RABGAP1L: variants seen among roughly 807,000 people sequenced by gnomAD.
RABGAP1L encodes RAB GTPase activating protein 1 like.
Under a neutral mutation model 137.7 loss-of-function variants are expected in RABGAP1L, and 63 were observed. The ratio of observed to expected loss-of-function variants is 0.46; its 90% CI spans 0.37 to 0.56. The LOEUF is 0.56. RABGAP1L is among the 20% of genes least tolerant of loss of function. RABGAP1L has a pLI of 0.00. For missense variants in RABGAP1L, 1,095 were observed against 1,244.0 expected (o/e 0.88, Z 1.80); for synonymous variants, 431 against 433.7 (o/e 0.99, Z 0.08).
intron 13 of RABGAP1L, among the ~76,000 whole-genome samples, chr1:174,535,491 A>G (rs1427684020): frequency 6.6e-6 from 1 of 152,206 alleles, no homozygotes; most frequent in Non-Finnish European, 1.5e-5. Flanking sequence ...GGTAGTTACT[A>G]TTAAGAGAGG....
chr1:174,828,469 G>A (rs1691806179), intron 19 of RABGAP1L, among the ~76,000 whole-genome samples: 1 of 147,884 alleles, frequency 6.8e-6, no homozygotes, highest in Admixed American at 6.8e-5. Context: ...TGCCTAGGTT[G>A]CTTTCTGTCT....
intron 18 of RABGAP1L, among the ~76,000 whole-genome samples, chr1:174,789,947 A>G (rs1208512088): frequency 6.6e-6 from 1 of 152,078 alleles, no homozygotes; most frequent in African/African-American, 2.4e-5. Context: ...GTGGCTCATG[A>G]CAGTAATCTT....
chr1:174,816,939 C>T (rs1690489606), intron 19 of RABGAP1L, among the ~76,000 whole-genome samples: 2 of 152,064 alleles, frequency 1.3e-5, no homozygotes, highest in South Asian at 4.1e-4. Context: ...CCATGTTGGC[C>T]AGGATAGTCT....
At chr1:174,808,271 G>C (rs1284007604) in intron 18 of RABGAP1L, among the ~76,000 whole-genome samples, 3 of 152,028 alleles carry the variant, frequency 2.0e-5, no homozygotes, top group Non-Finnish European at 2.9e-5. Context: ...ACAGGCATGA[G>C]CTACCGTGCC....
At chr1:174,285,217 A>G (rs1675950282) in intron 10 of RABGAP1L, among the ~76,000 whole-genome samples, 1 of 152,066 alleles carries the variant, frequency 6.6e-6, no homozygotes. Flanking sequence ...GGGTTTTGCC[A>G]TGTTGGCCAG....
chr1:174,745,385 G>A (rs1347116930), intron 17 of RABGAP1L, among the ~76,000 whole-genome samples: 1 of 152,184 alleles, frequency 6.6e-6, no homozygotes, highest in Non-Finnish European at 1.5e-5. Context: ...CAGTACCATA[G>A]TCTGCCCAGG....
chr1:174,835,714 T>A (rs1479940352), intron 19 of RABGAP1L, among the ~76,000 whole-genome samples: 1 of 152,224 alleles, frequency 6.6e-6, no homozygotes, highest in Non-Finnish European at 1.5e-5. Flanking sequence ...GGGATTGTGA[T>A]GAGCAAACTA....
intron 19 of RABGAP1L, among the ~76,000 whole-genome samples, chr1:174,816,887 T>C (rs893353298): frequency 6.6e-6 from 1 of 152,084 alleles, no homozygotes; most frequent in Non-Finnish European, 1.5e-5. Flanking sequence ...TGCGCCACCA[T>C]GCCTGGCTAA....
chr1:174,440,171 C>T (rs897738657), intron 13 of RABGAP1L, among the ~76,000 whole-genome samples: 2 of 152,042 alleles, frequency 1.3e-5, no homozygotes, highest in Admixed American at 6.6e-5. Context: ...TTTAGCTAAT[C>T]CTAAACAACA....
intron 13 of RABGAP1L, among the ~76,000 whole-genome samples, chr1:174,573,261 CAT>C (rs1011361342): frequency 2.8e-5 from 4 of 140,974 alleles, no homozygotes; most frequent in Non-Finnish European, 4.7e-5. Flanking sequence ...ATATGTGTGA[CAT>C]ATATACACAC....
chr1:174,327,993 A>G (rs1249874281), intron 11 of RABGAP1L, among the ~76,000 whole-genome samples: 1 of 60,516 alleles, frequency 1.7e-5, no homozygotes, highest in African/African-American at 7.7e-5. Flanking sequence ...ACACATATAT[A>G]TATATATATA....
At chr1:174,864,649 T>C (rs1650891158) in intron 19 of RABGAP1L, among the ~76,000 whole-genome samples, 1 of 152,080 alleles carries the variant, frequency 6.6e-6, no homozygotes, top group South Asian at 2.1e-4. Flanking sequence ...ATGAGGTCCC[T>C]CCCCCAACAT....
intron 19 of RABGAP1L, among the ~76,000 whole-genome samples, chr1:174,905,712 A>C (rs1253495037): frequency 1.3e-5 from 2 of 152,014 alleles, no homozygotes; most frequent in Non-Finnish European, 2.9e-5. Context: ...TTAGCTGGAC[A>C]TGGTGCCGGG....
chr1:174,423,486 T>TC (rs1235147754), intron 13 of RABGAP1L, among the ~76,000 whole-genome samples: 2 of 120,726 alleles, frequency 1.7e-5, no homozygotes, highest in African/African-American at 9.8e-5. Flanking sequence ...TTCTCTAATC[T>TC]CAAATGAACT....
At chr1:174,523,564 TG>T (rs1663613569) in intron 13 of RABGAP1L, among the ~76,000 whole-genome samples, 1 of 152,240 alleles carries the variant, frequency 6.6e-6, no homozygotes, top group Non-Finnish European at 1.5e-5. Context: ...ATGCATAAAA[TG>T]TGTAATGATC....
At position 174,534,875 on chromosome 1, in the gene RABGAP1L, G is replaced by A. The variant is rs556008350; in HGVS notation, c.1711-102500G>A. 1.9e-3 allele frequency among the ~76,000 whole-genome samples: 295 copies of A among 151,506 alleles called. 1 individual carries two copies. The highest frequency in any genetic ancestry group is 6.8e-3 in the African/African-American group (279 of 41,288). On this transcript the variant is annotated intron_variant, in intron 13 of 25. Coordinates refer to ENST00000681986, the MANE Select transcript of RABGAP1L (RefSeq NM_001366446.1). ...TTGGAGCAATTATTAGGGAAAATAAGGGTTACTTGAACATAGCACTGTGAT... is the reference window on the plus strand; with the variant it reads ...TTGGAGCAATTATTAGGGAAAATAAAGGTTACTTGAACATAGCACTGTGAT...
intron 13 of RABGAP1L, among the ~76,000 whole-genome samples, chr1:174,500,665 A>G (rs1306976799): frequency 6.6e-6 from 1 of 152,200 alleles, no homozygotes; most frequent in Non-Finnish European, 1.5e-5. Flanking sequence ...TAGTTTATTA[A>G]GTGTCTATAT....
At chr1:174,393,612 C>T (rs1436987137) in intron 12 of RABGAP1L, among the ~76,000 whole-genome samples, 2 of 152,180 alleles carry the variant, frequency 1.3e-5, no homozygotes, top group Admixed American at 6.5e-5. Flanking sequence ...TTTCCTACCA[C>T]ACATCATTGT....
intron 13 of RABGAP1L, among the ~76,000 whole-genome samples, chr1:174,603,512 G>A (rs1212782533): frequency 3.9e-5 from 6 of 152,126 alleles, no homozygotes; most frequent in Non-Finnish European, 4.4e-5. Flanking sequence ...CCAGGGCCAG[G>A]AATCAGGAAC....
Sources: gnomAD v4.1 joint callset for allele counts (sites outside exome capture counted in the v4.1 genomes callset) on GRCh38, gnomAD v4.1.1 for gene constraint, MANE v1.5 for transcripts, NCBI Gene and HGNC (gene_info 2026-07-23, HGNC 2026-07-21) for gene names.